Variants in CSNK1G1 observed in about 807,000 individuals in gnomAD.
The protein encoded by CSNK1G1 is casein kinase 1 gamma 1.
Under a neutral mutation model 59.6 loss-of-function variants are expected in CSNK1G1, and 22 were observed. The observed-to-expected ratio is 0.37, with a 90% CI of 0.26 to 0.53. The LOEUF (loss-of-function observed/expected upper bound fraction) is 0.53, where lower values mean the gene tolerates loss of function less well. Among genes scored for constraint, CSNK1G1 ranks in the 20% least tolerant of loss-of-function variants. The pLI, the probability that CSNK1G1 is intolerant of heterozygous loss-of-function variation, is 0.89. For missense variants in CSNK1G1, 384 were observed against 519.5 expected (o/e 0.74, Z 2.54); for synonymous variants, 179 against 177.1 (o/e 1.01, Z -0.08).
At chr15:64,305,703 A>AC (rs1895645607) in intron 1 of CSNK1G1, among the ~76,000 whole-genome samples, 1 of 150,158 alleles carries the variant, frequency 6.7e-6, no homozygotes, top group Non-Finnish European at 1.5e-5. Context: ...TCCAAAAAAA[A>AC]AAAAACAAAA....
intron 1 of CSNK1G1, among the ~76,000 whole-genome samples, chr15:64,305,828 A>G (rs1895659514): frequency 6.6e-6 from 1 of 151,738 alleles, no homozygotes; most frequent in Non-Finnish European, 1.5e-5. Context: ...CCAGAAATAG[A>G]TTCACACAAA....
intron 10 of CSNK1G1, among the ~76,000 whole-genome samples, chr15:64,190,709 G>A (rs557801844): frequency 7.9e-5 from 12 of 151,954 alleles, no homozygotes; most frequent in Non-Finnish European, 1.8e-4. Context: ...CCACCGTGCC[G>A]GCCATATTTT....
intron 4 of CSNK1G1, among the ~76,000 whole-genome samples, chr15:64,229,018 CAAAAAAAAAAAAAA>C (rs1218085247): frequency 3.0e-5 from 2 of 65,924 alleles, no homozygotes; most frequent in Non-Finnish European, 6.5e-5. Context: ...GACTCTGTCT[CAAAAAAAAAAAAAA>C]AAAAAAGAAA....
intron 1 of CSNK1G1, among the ~76,000 whole-genome samples, chr15:64,325,066 T>C (rs1896773639): frequency 2.6e-5 from 4 of 152,216 alleles, no homozygotes. Context: ...CATGAGAACT[T>C]GATTAATACA....
chr15:64,202,627 T>A (rs62024567), intron 10 of CSNK1G1, among the ~76,000 whole-genome samples: 27,853 of 151,456 alleles, frequency 0.18, 3,401 homozygotes, highest in African/African-American at 0.35. Context: ...ATCTTGGCTC[T>A]CTGCTGCCTT....
At chr15:64,194,517 CT>C (rs374224209) in intron 10 of CSNK1G1, among the ~76,000 whole-genome samples, 115 of 128,296 alleles carry the variant, frequency 9.0e-4, no homozygotes, top group South Asian at 1.9e-3. Flanking sequence ...CTTTTCTTTT[CT>C]TTTTTTTTTT....
chr15:64,266,301 C>G (rs1237345780), intron 2 of CSNK1G1, among the ~76,000 whole-genome samples: 1 of 152,066 alleles, frequency 6.6e-6, no homozygotes, highest in Non-Finnish European at 1.5e-5. Context: ...ACCTCATGAT[C>G]CACTGACCTC....
intron 1 of CSNK1G1, among the ~76,000 whole-genome samples, chr15:64,324,866 T>C (rs1188655141): frequency 5.3e-5 from 8 of 152,216 alleles, no homozygotes; most frequent in Non-Finnish European, 1.2e-4. Flanking sequence ...CAAATGCACA[T>C]GGTATTATAA....
chr15:64,340,190 T>C (rs904351728), intron 1 of CSNK1G1, among the ~76,000 whole-genome samples: 64 of 152,332 alleles, frequency 4.2e-4, no homozygotes, highest in African/African-American at 1.5e-3. Context: ...TGAAGGTTGT[T>C]ACCTCTCGCA....
At chr15:64,327,001 C>T (rs1238507966) in intron 1 of CSNK1G1, among the ~76,000 whole-genome samples, 9 of 151,358 alleles carry the variant, frequency 5.9e-5, no homozygotes, top group Non-Finnish European at 8.9e-5. Flanking sequence ...GACTATATCC[C>T]ACACCTGGCT....
chr15:64,253,635 A>G (rs924800149), intron 3 of CSNK1G1, among the ~76,000 whole-genome samples: 4 of 152,254 alleles, frequency 2.6e-5, no homozygotes, highest in Non-Finnish European at 4.4e-5. Context: ...TAGCATTATT[A>G]TGCACAATAA....
chr15:64,335,382 A>G (rs1405656714), intron 1 of CSNK1G1, among the ~76,000 whole-genome samples: 1 of 152,140 alleles, frequency 6.6e-6, no homozygotes, highest in Non-Finnish European at 1.5e-5. Context: ...AAAGGTCCTG[A>G]TCCTCATTTT....
chr15:64,255,571 T>C (rs1456212817), intron 3 of CSNK1G1, among the ~76,000 whole-genome samples: 5 of 152,234 alleles, frequency 3.3e-5, no homozygotes, highest in Non-Finnish European at 7.3e-5. Context: ...CCACGAATAC[T>C]ATTAAGTAGC....
At position 64,210,766 on chromosome 15, in the gene CSNK1G1, G is replaced by A. The variant is rs762195081; in HGVS notation, c.679+3124C>T. Among the ~76,000 whole-genome samples the A allele has an allele frequency of 6.6e-6, 1 of 152,012 alleles. No homozygotes were observed. The highest frequency in any genetic ancestry group is 1.5e-5 in the Non-Finnish European group (1 of 68,000). Reference sequence around the variant, plus strand: ...TGGTCTGGATTTCTGTCCTTCCCCCGGACCCCCCAACACACACAAACCTCA... The same window carrying A: ...TGGTCTGGATTTCTGTCCTTCCCCCAGACCCCCCAACACACACAAACCTCA... On this transcript the variant is annotated intron_variant, in intron 6 of 11. Coordinates refer to ENST00000303052, the MANE Select transcript of CSNK1G1 (RefSeq NM_022048.5). The surrounding 1 kb of genome is among the most constrained non-coding windows in gnomAD (Gnocchi z 4.2).
chr15:64,253,877 C>T (rs1257349465), intron 3 of CSNK1G1, among the ~76,000 whole-genome samples: 3 of 152,100 alleles, frequency 2.0e-5, no homozygotes, highest in South Asian at 2.1e-4. Flanking sequence ...CGGTGGCTCA[C>T]GCCTGTAATC....
At chr15:64,217,837 T>C (rs147691658) in intron 4 of CSNK1G1, among the ~76,000 whole-genome samples, 1,595 of 151,390 alleles carry the variant, frequency 0.011, 33 homozygotes, top group African/African-American at 0.037. Flanking sequence ...AAAAAGATTA[T>C]AGAACACTTA....
At chr15:64,240,160 G>A (rs1024862072) in intron 4 of CSNK1G1, among the ~76,000 whole-genome samples, 18 of 152,168 alleles carry the variant, frequency 1.2e-4, no homozygotes, top group Admixed American at 8.5e-4. Context: ...CTGGAACCCC[G>A]GAGGCAGAGA....
intron 2 of CSNK1G1, among the ~76,000 whole-genome samples, chr15:64,276,759 C>T (rs1228235425): frequency 6.6e-6 from 1 of 151,968 alleles, no homozygotes; most frequent in Non-Finnish European, 1.5e-5. Context: ...TCCTGGCTAA[C>T]ACAGTGAAAC....
chr15:64,180,577 A>G (rs938544521), intron 10 of CSNK1G1, 123 bp from the exon 11 acceptor site: 1 of 728,400 alleles, frequency 1.4e-6, no homozygotes, highest in Admixed American at 2.1e-5. Flanking sequence ...TAAGGGATCA[A>G]TTTAGGGAAG....
Sources: allele counts gnomAD v4.1 joint callset (sites outside exome capture counted in the v4.1 genomes callset), GRCh38; gene constraint gnomAD v4.1.1; non-coding constraint Gnocchi (gnomAD v3.1); transcripts MANE v1.5; gene names NCBI Gene and HGNC (gene_info 2026-07-23, HGNC 2026-07-21).